Variants in CYP2A13 observed in about 807,000 individuals in gnomAD.
CYP2A13 encodes the protein cytochrome P450 family 2 subfamily A member 13.
In CYP2A13, 30 loss-of-function variants were observed where a neutral mutation model predicts 39.4. The ratio of observed to expected loss-of-function variants is 0.76; its 90% CI spans 0.57 to 1.03. The LOEUF (loss-of-function observed/expected upper bound fraction) is 1.03, where lower values mean the gene tolerates loss of function less well. CYP2A13 is among the 50% of genes least tolerant of loss of function. The probability of loss-of-function intolerance (pLI) is 0.00; values close to 1 mark genes in which losing one functional copy is unlikely to be tolerated. For missense variants in CYP2A13, 731 were observed against 648.4 expected (o/e 1.13, Z -1.38); for synonymous variants, 269 against 254.7 (o/e 1.06, Z -0.54).
chr19:41,096,144 C>A lies in CYP2A13; in HGVS notation c.*203C>A, dbSNP rs1403632660. The A allele has an allele frequency of 6.9e-6, 5 of 728,526 alleles. No individual in the cohort carries two copies. The highest frequency in any genetic ancestry group is 2.9e-5 in the Admixed American group (1 of 34,288). The allele number at this position is 728,526 out of a possible 1,614,324, so 45.1% of individuals were successfully genotyped here. On this transcript the variant is annotated 3_prime_UTR_variant, in exon 9 of 9. Coordinates refer to ENST00000330436, the MANE Select transcript of CYP2A13 (RefSeq NM_000766.5). ...AGAGCTGTGATGAGAGGAAGGGAAA[C>A]CTTACAGTATGCTACAAAGAGTAGT...
chr19:41,095,209 C>G, intron 8 of CYP2A13, 109 bp downstream of exon 8: 1 of 1,605,132 alleles, frequency 6.2e-7, no homozygotes, highest in Non-Finnish European at 8.5e-7. Context: ...CTTGGAAGTT[C>G]CTGTTAGAAT....
chr19:41,088,841 C>G (rs757219779), intron 1 of CYP2A13, 88 bp from the exon 2 acceptor site: 1 of 1,564,800 alleles, frequency 6.4e-7, no homozygotes, highest in South Asian at 1.2e-5. Context: ...AACCTGGGGG[C>G]GAAGCATCCC....
intron 7 of CYP2A13, 118 bp downstream of exon 7, chr19:41,094,550 C>G: frequency 8.4e-7 from 1 of 1,197,218 alleles, no homozygotes; most frequent in Non-Finnish European, 1.2e-6. Flanking sequence ...CTCAATCAGT[C>G]AAAAAAGACT....
chr19:41,089,155 C>A (rs1281318675), intron 2 of CYP2A13, 64 bp downstream of exon 2: 1 of 1,601,774 alleles, frequency 6.2e-7, no homozygotes, highest in East Asian at 2.2e-5. Context: ...TGTCCCCAGC[C>A]TTCTCCCTGA....
In CYP2A13 at chr19:41,089,308, T is replaced by C. The variant is rs566547370; in HGVS notation, c.343+217T>C. 7.5e-3 allele frequency among the ~76,000 whole-genome samples: 1,146 copies of C among 152,038 alleles called. 7 individuals are homozygous for C. Among genetic ancestry groups the C allele is most frequent in the Admixed American group, 0.016 (238 of 15,262 alleles). On this transcript the variant is annotated intron_variant, in intron 2 of 8. Transcript: ENST00000330436. ...TTCCTCCCTGCCTCTCTCTGCCCCG[T>C]CTCCTCCTTCTCTCTCACTGGAGTC...
intron 3 of CYP2A13, 48 bp downstream of exon 3, chr19:41,090,244 C>G (rs1286686453): frequency 6.5e-7 from 1 of 1,549,230 alleles, no homozygotes; most frequent in Admixed American, 1.9e-5. Flanking sequence ...CGCTTTCTGC[C>G]TGGGGATGGG....
intron 8 of CYP2A13, among the ~76,000 whole-genome samples, chr19:41,095,413 A>C (rs1375769424): frequency 6.6e-6 from 1 of 152,154 alleles, no homozygotes; most frequent in African/African-American, 2.4e-5. Flanking sequence ...TCTGGGGGGT[A>C]GGGGCATCTA....
At chr19:41,094,909 C>T (rs774462769) in intron 7 of CYP2A13, 50 bp from the exon 8 acceptor site, 1 of 1,606,636 alleles carries the variant, frequency 6.2e-7, no homozygotes, top group East Asian at 2.2e-5. Flanking sequence ...TGTACTTTCA[C>T]CAATCCCCCC....
At position 41,090,092 on chromosome 19, in the gene CYP2A13, T is replaced by A; in HGVS notation, c.389T>A (p.Phe130Tyr). 6.2e-7 allele frequency: 1 copy of A among 1,612,924 alleles called. No homozygotes were observed. The highest frequency in any genetic ancestry group is 1.1e-5 in the South Asian group (1 of 90,974). Residue 130 changes from phenylalanine to tyrosine, a missense_variant, in exon 3 of 9, where the codon TTC (phenylalanine) becomes TAC (tyrosine). Physicochemically the swap from Phe to Tyr is conservative, Grantham distance 22. Transcript: ENST00000330436. ...NGERAKQLRR[F>Y]SIATLRGFGV... ...GAGCGCGCCAAGCAGCTCCGGCGCTTCTCCATCGCCACCCTAAGGGGTTTT... is the reference window on the plus strand; with the variant it reads ...GAGCGCGCCAAGCAGCTCCGGCGCTACTCCATCGCCACCCTAAGGGGTTTT...
At chr19:41,092,335 A>C (rs1422924421) in intron 5 of CYP2A13, among the ~76,000 whole-genome samples, 5 of 151,210 alleles carry the variant, frequency 3.3e-5, no homozygotes, top group East Asian at 1.9e-4. Context: ...AAAAAAAAAA[A>C]AAAAAAAATC....
intron 2 of CYP2A13, among the ~76,000 whole-genome samples, chr19:41,089,603 A>C (rs1453207767): frequency 1.3e-5 from 2 of 151,384 alleles, no homozygotes; most frequent in East Asian, 2.0e-4. Context: ...TCTCTTCTCC[A>C]GTTCAGCTTA....
intron 8 of CYP2A13, 76 bp downstream of exon 8, chr19:41,095,176 G>A (rs764280051): frequency 4.0e-5 from 65 of 1,612,230 alleles, no homozygotes; most frequent in Middle Eastern, 1.7e-4. Context: ...CCCTCTCTGC[G>A]GTGTAGCCTG....
intron 6 of CYP2A13, 124 bp downstream of exon 6, chr19:41,093,895 G>A: frequency 4.2e-6 from 5 of 1,178,248 alleles, no homozygotes; most frequent in Non-Finnish European, 6.0e-6. Flanking sequence ...TCCAGAGACA[G>A]GACAATATTC....
intron 2 of CYP2A13, among the ~76,000 whole-genome samples, chr19:41,089,814 CT>C (rs1343997598): frequency 2.7e-4 from 4 of 14,958 alleles, no homozygotes; most frequent in African/African-American, 8.7e-4. Flanking sequence ...GTCTCTCTCT[CT>C]CTCTCTCTCT....
chr19:41,089,795 T>G (rs1424528783), intron 2 of CYP2A13, among the ~76,000 whole-genome samples: 3 of 133,696 alleles, frequency 2.2e-5, no homozygotes, highest in African/African-American at 2.8e-5. Context: ...CTCTTATTCT[T>G]TCTACCCGGT....
At chr19:41,089,991 C>T in intron 2 of CYP2A13, 56 bp from the exon 3 acceptor site, 2 of 1,537,136 alleles carry the variant, frequency 1.3e-6, no homozygotes, top group Non-Finnish European at 1.7e-6. Flanking sequence ...GGAGCTGGTC[C>T]GCTCCTGCTC....
At chr19:41,088,688 G>A in intron 1 of CYP2A13, 37 bp downstream of exon 1, 1 of 1,593,306 alleles carries the variant, frequency 6.3e-7, no homozygotes, top group Non-Finnish European at 8.6e-7. Flanking sequence ...CACGGGGTGG[G>A]GGCTGCCCAG....
At chr19:41,091,463 G>A (rs1377823222) in intron 4 of CYP2A13, among the ~76,000 whole-genome samples, 4 of 152,170 alleles carry the variant, frequency 2.6e-5, no homozygotes, top group African/African-American at 4.8e-5. Flanking sequence ...ACACCTAGAT[G>A]TGTGCTCCAA....
intron 6 of CYP2A13, 86 bp from the exon 7 acceptor site, chr19:41,094,159 T>C (rs2031248855): frequency 1.9e-6 from 3 of 1,558,822 alleles, no homozygotes; most frequent in Non-Finnish European, 2.6e-6. Flanking sequence ...GGTGGAGCTA[T>C]GTCAACCACC....
Sources: gnomAD v4.1 joint callset for allele counts (sites outside exome capture counted in the v4.1 genomes callset) on GRCh38, gnomAD v4.1.1 for gene constraint, MANE v1.5 for transcripts, NCBI Gene and HGNC (gene_info 2026-07-23, HGNC 2026-07-21) for gene names.